The following RAB39A variants were observed in gnomAD, a reference collection of about 807,000 sequenced individuals.
RAB39A encodes RAB39A, member RAS oncogene family.
In RAB39A, 17 loss-of-function variants were observed where a neutral mutation model predicts 20.9. The ratio of observed to expected loss-of-function variants is 0.81; its 90% CI spans 0.56 to 1.22. The LOEUF (loss-of-function observed/expected upper bound fraction) is 1.22, where lower values mean the gene tolerates loss of function less well. Ranked by LOEUF, RAB39A falls within the 50% of genes most tolerant of loss-of-function variation. The probability of loss-of-function intolerance (pLI) is 0.00; values close to 1 mark genes in which losing one functional copy is unlikely to be tolerated. For synonymous variants in RAB39A, 99 were observed against 103.4 expected, an observed-to-expected ratio of 0.96 and a Z score of 0.26; for missense variants, 234 against 270.5, an observed-to-expected ratio of 0.87 and a Z score of 0.95.
intron 1 of RAB39A, among the ~76,000 whole-genome samples, chr11:107,938,500 C>A (rs7110159): frequency 0.023 from 3,331 of 146,118 alleles, 136 homozygotes; most frequent in African/African-American, 0.08. Context: ...GAGGCCAAAG[C>A]GAGTGGATCT....
chr11:107,933,599 T>C (rs1861162902), intron 1 of RAB39A, among the ~76,000 whole-genome samples: 1 of 151,812 alleles, frequency 6.6e-6, no homozygotes. Flanking sequence ...CTCGAACACC[T>C]GATCTCAAGT....
chr11:107,940,970 T>C (rs1861252658), intron 1 of RAB39A, among the ~76,000 whole-genome samples: 1 of 150,674 alleles, frequency 6.6e-6, no homozygotes, highest in Non-Finnish European at 1.5e-5. Context: ...AGAGTCCATC[T>C]CAGAAAAAAA....
chr11:107,957,293 G>C (rs1198249447), intron 1 of RAB39A, among the ~76,000 whole-genome samples: 2 of 152,230 alleles, frequency 1.3e-5, no homozygotes, highest in Non-Finnish European at 2.9e-5. Flanking sequence ...GATGACAGCA[G>C]TTGGCAGAGC....
chr11:107,942,507 T>A (rs1033691122), intron 1 of RAB39A, among the ~76,000 whole-genome samples: 1 of 152,156 alleles, frequency 6.6e-6, no homozygotes, highest in Non-Finnish European at 1.5e-5. Context: ...TTTGTTTGTT[T>A]GTTTAGAGAT....
Position 107,963,421 on chromosome 11 carries a change from G to C in RAB39A, c.*1049G>C, listed in dbSNP as rs1033907684. ...CGGTGTACTGTTCGTATTTAGACAA[G>C]AAGAACAAAATTTATTTATGTATTG... On this transcript the variant is annotated 3_prime_UTR_variant, in exon 2 of 2. Transcript: ENST00000320578. The C allele has an allele frequency of 6.6e-6, 1 of 152,054 alleles. No homozygotes were observed. 9.4% of individuals were successfully genotyped at this position (152,054 alleles called of 1,614,324 possible).
intron 1 of RAB39A, among the ~76,000 whole-genome samples, chr11:107,935,378 C>CTT (rs1160701453): frequency 2.1e-5 from 3 of 142,350 alleles, no homozygotes; most frequent in Non-Finnish European, 1.5e-5. Flanking sequence ...CTTTCTTCTT[C>CTT]TTTTTTTTTT....
chr11:107,954,513 G>A (rs10890784), intron 1 of RAB39A, among the ~76,000 whole-genome samples: 47,623 of 151,912 alleles, frequency 0.31, 7,723 homozygotes, highest in South Asian at 0.49. Context: ...CTTTACCTAC[G>A]TCTCTCCAAC....
chr11:107,949,452 A>G (rs1464923182), intron 1 of RAB39A, among the ~76,000 whole-genome samples: 1 of 152,220 alleles, frequency 6.6e-6, no homozygotes, highest in African/African-American at 2.4e-5. Context: ...ATGAAATCAT[A>G]CGAAACAAAG....
chr11:107,955,329 T>C (rs1280771102), intron 1 of RAB39A, among the ~76,000 whole-genome samples: 1 of 152,056 alleles, frequency 6.6e-6, no homozygotes, highest in African/African-American at 2.4e-5. Flanking sequence ...ATGCCACTTC[T>C]GTAATTGTCC....
chr11:107,956,152 T>A (rs1009978803), intron 1 of RAB39A, among the ~76,000 whole-genome samples: 3 of 152,238 alleles, frequency 2.0e-5, no homozygotes, highest in African/African-American at 7.2e-5. Context: ...GTAATAGATA[T>A]AATGTTGGGC....
At chr11:107,957,716 C>G (rs934621230) in intron 1 of RAB39A, among the ~76,000 whole-genome samples, 4 of 152,134 alleles carry the variant, frequency 2.6e-5, no homozygotes, top group African/African-American at 9.7e-5. Context: ...TCTGCTTTAT[C>G]ATTCTTGCCA....
At chr11:107,953,006 G>T (rs1861396989) in intron 1 of RAB39A, among the ~76,000 whole-genome samples, 1 of 152,236 alleles carries the variant, frequency 6.6e-6, no homozygotes, top group Non-Finnish European at 1.5e-5. Flanking sequence ...ATGGTTCTTG[G>T]AGGCTGTGGG....
chr11:107,942,593 C>T (rs890315453), intron 1 of RAB39A, among the ~76,000 whole-genome samples: 3 of 152,026 alleles, frequency 2.0e-5, no homozygotes, highest in Non-Finnish European at 4.4e-5. Context: ...CAAAGTGCTG[C>T]GATTACAAGC....
intron 1 of RAB39A, among the ~76,000 whole-genome samples, chr11:107,949,983 T>C (rs1204618475): frequency 6.6e-6 from 1 of 151,702 alleles, no homozygotes; most frequent in African/African-American, 2.4e-5. Context: ...CCATCCTGGC[T>C]AACACAGTGA....
At position 107,928,991 on chromosome 11, in the gene RAB39A, T is replaced by C. The variant is rs1861111541; in HGVS notation, c.227+196T>C. Among the ~76,000 whole-genome samples the C allele has an allele frequency of 6.6e-6, 1 of 152,198 alleles. No individual in the cohort carries two copies. Reference sequence around the variant, plus strand: ...GACTTCCTCCTCCGCAATTTCTCACTTCTTTCTTTGGCGCCCATTTCCTGC... The same window carrying C: ...GACTTCCTCCTCCGCAATTTCTCACCTCTTTCTTTGGCGCCCATTTCCTGC... On this transcript the variant is annotated intron_variant, in intron 1 of 1. Coordinates refer to ENST00000320578, the MANE Select transcript of RAB39A (RefSeq NM_017516.3). This position sits in a 1 kb window ranked among gnomAD's most constrained non-coding sequence, Gnocchi z 4.9.
intron 1 of RAB39A, among the ~76,000 whole-genome samples, chr11:107,956,192 C>G (rs1861434652): frequency 6.6e-6 from 1 of 152,194 alleles, no homozygotes; most frequent in Non-Finnish European, 1.5e-5. Flanking sequence ...GCTAGTATCT[C>G]TTTCCCTCAA....
chr11:107,950,933 A>C (rs1417986662), intron 1 of RAB39A, among the ~76,000 whole-genome samples: 1 of 152,190 alleles, frequency 6.6e-6, no homozygotes, highest in Non-Finnish European at 1.5e-5. Flanking sequence ...GGATGGTAAG[A>C]AAGCATCACT....
At chr11:107,938,218 C>A (rs1377212813) in intron 1 of RAB39A, among the ~76,000 whole-genome samples, 1 of 151,524 alleles carries the variant, frequency 6.6e-6, no homozygotes, top group Non-Finnish European at 1.5e-5. Context: ...CAAAAATTAG[C>A]CGGTTATGGT....
At position 107,962,333 on chromosome 11, in the gene RAB39A, T is replaced by C; in HGVS notation, c.615T>C (p.Ser205=). 6.2e-7 allele frequency: 1 copy of C among 1,610,552 alleles called. No homozygotes were observed. The highest frequency in any genetic ancestry group is 1.3e-5 in the African/African-American group (1 of 74,988). Residue 205 remains serine, a synonymous_variant, in exon 2 of 2, where the codon TCT becomes TCC. Coordinates refer to ENST00000320578, the MANE Select transcript of RAB39A (RefSeq NM_017516.3). ...TTGTTCCAAATACTGTGCATTCTTC[T>C]GAGGAAGCAGTAAAGCCCAGGAAAG... ...SGFVPNTVHS[S]EEAVKPRKEC... is the part of the protein sequence containing the mutation.
Sources: gnomAD v4.1 joint callset for allele counts (sites outside exome capture counted in the v4.1 genomes callset) on GRCh38, gnomAD v4.1.1 for gene constraint, Gnocchi (gnomAD v3.1) non-coding constraint, MANE v1.5 for transcripts, NCBI Gene and HGNC (gene_info 2026-07-23, HGNC 2026-07-21) for gene names.